DAB1: variants seen among roughly 807,000 people sequenced by gnomAD.
The protein encoded by DAB1 is DAB adaptor protein 1.
DAB1 carries 15 observed loss-of-function variants against 64.6 expected under a neutral mutation model. The ratio of observed to expected loss-of-function variants is 0.23; its 90% CI spans 0.16 to 0.36. The LOEUF is 0.36. Among genes scored for constraint, DAB1 ranks in the 10% least tolerant of loss-of-function variants. The probability of loss-of-function intolerance (pLI) is 1.00; values close to 1 mark genes in which losing one functional copy is unlikely to be tolerated. For missense variants in DAB1, 596 were observed against 706.7 expected, an observed-to-expected ratio of 0.84 and a Z score of 1.78; for synonymous variants, 235 against 251.9, an observed-to-expected ratio of 0.93 and a Z score of 0.64.
At chr1:57,976,506 T>C (rs1034931730) in intron 5 of DAB1, among the ~76,000 whole-genome samples, 2 of 152,174 alleles carry the variant, frequency 1.3e-5, no homozygotes, top group African/African-American at 2.4e-5. Flanking sequence ...ATATTAATAA[T>C]TTCCCCAGCG....
At chr1:57,809,796 G>A (rs1340954214) in intron 6 of DAB1, among the ~76,000 whole-genome samples, 2 of 152,184 alleles carry the variant, frequency 1.3e-5, no homozygotes, top group Admixed American at 6.5e-5. Flanking sequence ...GAAGGAGAAA[G>A]AGAAAATTAA....
chr1:57,283,960 T>C (rs1264843781), intron 2 of DAB1, among the ~76,000 whole-genome samples: 1 of 152,222 alleles, frequency 6.6e-6, no homozygotes, highest in Non-Finnish European at 1.5e-5. Flanking sequence ...TCCAGAGAAG[T>C]TGTATATTCC....
At chr1:58,147,893 C>T (rs896632787) in intron 5 of DAB1, among the ~76,000 whole-genome samples, 8 of 151,144 alleles carry the variant, frequency 5.3e-5, no homozygotes, top group African/African-American at 1.5e-4. Flanking sequence ...ATCCTGTCAA[C>T]CATCCAATTA....
At chr1:57,412,090 G>A (rs1240296439) in intron 1 of DAB1, among the ~76,000 whole-genome samples, 3 of 151,964 alleles carry the variant, frequency 2.0e-5, no homozygotes, top group African/African-American at 7.3e-5. Flanking sequence ...TTTGTGATAA[G>A]TGAACTTTGA....
intron 1 of DAB1, among the ~76,000 whole-genome samples, chr1:57,340,533 G>A (rs1163496541): frequency 1.3e-5 from 2 of 152,312 alleles, no homozygotes; most frequent in Non-Finnish European, 2.9e-5. Flanking sequence ...CCGTGGAAAC[G>A]CAGTCACTGT....
At chr1:58,464,115 G>C (rs187609824) in intron 3 of DAB1, among the ~76,000 whole-genome samples, 12 of 152,330 alleles carry the variant, frequency 7.9e-5, no homozygotes, top group Non-Finnish European at 1.6e-4. Flanking sequence ...TGGAAGCAAA[G>C]TGCTCTGGCC....
At chr1:57,127,616 A>G (rs1243859544) in intron 4 of DAB1, among the ~76,000 whole-genome samples, 3 of 152,188 alleles carry the variant, frequency 2.0e-5, no homozygotes, top group Non-Finnish European at 4.4e-5. Context: ...AATCCCTGAG[A>G]ACACTCCCTG....
chr1:57,277,256 C>T (rs150888951), intron 2 of DAB1, among the ~76,000 whole-genome samples: 1 of 152,134 alleles, frequency 6.6e-6, no homozygotes, highest in Non-Finnish European at 1.5e-5. Context: ...CCTAACTCTG[C>T]TAGTTTCTAG....
chr1:58,080,316 G>T (rs557679099), intron 5 of DAB1: 1 of 152,124 alleles, frequency 6.6e-6, no homozygotes, highest in African/African-American at 2.4e-5. Flanking sequence ...CAAAGGGTCC[G>T]TGACTTCAAA....
At chr1:58,100,102 T>C (rs1651225130) in intron 5 of DAB1, among the ~76,000 whole-genome samples, 1 of 152,190 alleles carries the variant, frequency 6.6e-6, no homozygotes, top group Non-Finnish European at 1.5e-5. Flanking sequence ...CAACCTAAAA[T>C]TTACCATTTT....
At chr1:57,900,287 G>T (rs1395041033) in intron 5 of DAB1, among the ~76,000 whole-genome samples, 3 of 152,204 alleles carry the variant, frequency 2.0e-5, no homozygotes, top group African/African-American at 2.4e-5. Context: ...GTTCTTGGGG[G>T]TGAGCAAGAT....
At chr1:57,374,434 T>C (rs1266960438) in intron 1 of DAB1, among the ~76,000 whole-genome samples, 1 of 152,234 alleles carries the variant, frequency 6.6e-6, no homozygotes, top group Non-Finnish European at 1.5e-5. Context: ...AGCAAGCTTT[T>C]TATGGAAGTG....
At chr1:57,123,760 A>G (rs906585245) in intron 4 of DAB1, among the ~76,000 whole-genome samples, 3 of 152,168 alleles carry the variant, frequency 2.0e-5, no homozygotes, top group Admixed American at 6.5e-5. Flanking sequence ...AAGAATAATT[A>G]GTGGAAAAAT....
At chr1:57,148,449 G>T (rs1659356384) in intron 2 of DAB1, among the ~76,000 whole-genome samples, 1 of 152,178 alleles carries the variant, frequency 6.6e-6, no homozygotes, top group African/African-American at 2.4e-5. Flanking sequence ...CTTGAGCAAG[G>T]TCTCAGTTAT....
intron 5 of DAB1, among the ~76,000 whole-genome samples, chr1:58,025,651 G>GGGTATATATA: frequency 1.3e-5 from 1 of 75,292 alleles, no homozygotes; most frequent in Non-Finnish European, 3.1e-5. Context: ...ATATATGTGT[G>GGGTATATATA]TATATATATA....
intron 4 of DAB1, among the ~76,000 whole-genome samples, chr1:58,300,643 AGAGAGGAAGGAAGGAAGG>A (rs1478408387): frequency 5.5e-5 from 3 of 54,058 alleles, no homozygotes; most frequent in Non-Finnish European, 1.1e-4. Flanking sequence ...AGAGAGAGAG[AGAGAGGAAGGAAGGAAGG>A]AAGGAAGGAA....
intron 7 of DAB1, among the ~76,000 whole-genome samples, chr1:57,637,029 A>G (rs1006566574): frequency 2.0e-5 from 3 of 152,216 alleles, no homozygotes; most frequent in Non-Finnish European, 4.4e-5. Context: ...GTCTTTGCGT[A>G]TTCTTCAGTA....
intron 6 of DAB1, among the ~76,000 whole-genome samples, chr1:57,744,297 C>T (rs1424623521): frequency 6.6e-6 from 1 of 152,148 alleles, no homozygotes; most frequent in Non-Finnish European, 1.5e-5. Context: ...CAGAGAACCA[C>T]GTAGTAGTTA....
intron 7 of DAB1, among the ~76,000 whole-genome samples, chr1:57,557,608 TG>T (rs1372329604): frequency 6.6e-6 from 1 of 152,126 alleles, no homozygotes; most frequent in African/African-American, 2.4e-5. Context: ...TGGAGTTGGC[TG>T]CTTAATATGA....
Sources: gnomAD v4.1 joint callset for allele counts (sites outside exome capture counted in the v4.1 genomes callset) on GRCh38, gnomAD v4.1.1 for gene constraint, MANE v1.5 for transcripts, NCBI Gene and HGNC (gene_info 2026-07-23, HGNC 2026-07-21) for gene names.